The following ITFG1 variants were observed in gnomAD, a reference collection of about 807,000 sequenced individuals.
ITFG1 encodes integrin alpha FG-GAP repeat containing 1, also known as T-cell immunomodulatory protein.
ITFG1 carries 34 observed loss-of-function variants against 81.8 expected under a neutral mutation model. The ratio of observed to expected loss-of-function variants is 0.42; its 90% CI spans 0.32 to 0.55. The LOEUF (loss-of-function observed/expected upper bound fraction) is 0.55. Among genes scored for constraint, ITFG1 ranks in the 20% least tolerant of loss-of-function variants. The pLI is 0.17. For synonymous variants in ITFG1, 285 were observed against 270.6 expected, an observed-to-expected ratio of 1.05 and a Z score of -0.52; for missense variants, 672 against 755.4, an observed-to-expected ratio of 0.89 and a Z score of 1.29.
chr16:47,369,932 G>A lies in ITFG1; in HGVS notation c.721-4063C>T, dbSNP rs919275102. 5.5e-5 allele frequency among the ~76,000 whole-genome samples: 8 copies of A among 146,304 alleles called. No individual in the cohort carries two copies. The South Asian group carries it at 1.5e-3, about 27-fold the overall frequency. ...TTGGCTCACTCCAACTCCACTTCCC[G>A]GGTTCACGCCATTCTCCTGCTTCAG... is the stretch of plus-strand genomic sequence containing the variant. On this transcript the variant is annotated intron_variant, in intron 7 of 17. Transcript: ENST00000320640.
intron 8 of ITFG1, among the ~76,000 whole-genome samples, chr16:47,354,426 G>A (rs527972547): frequency 6.6e-6 from 1 of 152,056 alleles, no homozygotes; most frequent in South Asian, 2.1e-4. Flanking sequence ...AGCCTTAAAG[G>A]TAAGACTTAG....
chr16:47,449,515 C>T lies in ITFG1; in HGVS notation c.560+1881G>A, dbSNP rs77296263. Reference sequence around the variant, plus strand: ...ATTGTTAGACTACAGTCATTCTAAACAATGCAAATTTCTGTCAGCTTATAT... The same window carrying T: ...ATTGTTAGACTACAGTCATTCTAAATAATGCAAATTTCTGTCAGCTTATAT... On this transcript the variant is annotated intron_variant, in intron 5 of 17. Coordinates refer to ENST00000320640, the MANE Select transcript of ITFG1 (RefSeq NM_030790.5). 10 of 152,308 alleles carry T rather than the reference C, an allele frequency of 6.6e-5. No homozygotes were observed. The East Asian group carries it at 1.7e-3, about 26-fold the overall frequency. 9.4% of individuals were successfully genotyped at this position (152,308 alleles called of 1,614,324 possible).
chr16:47,406,843 A>G (rs1294130109), intron 6 of ITFG1, among the ~76,000 whole-genome samples: 1 of 152,216 alleles, frequency 6.6e-6, no homozygotes, highest in Non-Finnish European at 1.5e-5. Flanking sequence ...AAGAAGGTAA[A>G]GTATATTTTG....
chr16:47,323,410 A>T (rs1345692357), intron 8 of ITFG1, among the ~76,000 whole-genome samples: 1 of 152,086 alleles, frequency 6.6e-6, no homozygotes, highest in South Asian at 2.1e-4. Flanking sequence ...TAGTAATTTG[A>T]TTCTCTGTGC....
At chr16:47,226,093 GAT>G (rs1269837846) in intron 13 of ITFG1, among the ~76,000 whole-genome samples, 1 of 152,194 alleles carries the variant, frequency 6.6e-6, no homozygotes, top group African/African-American at 2.4e-5. Flanking sequence ...AATAAACTGA[GAT>G]ATGTTAGAGC....
At chr16:47,352,867 A>G (rs1018800852) in intron 8 of ITFG1, among the ~76,000 whole-genome samples, 1 of 152,250 alleles carries the variant, frequency 6.6e-6, no homozygotes, top group African/African-American at 2.4e-5. Context: ...ACCATGGAAT[A>G]CTATGCAGCC....
At position 47,438,188 on chromosome 16, in the gene ITFG1, C is replaced by A. The variant is rs145918873; in HGVS notation, c.561-9290G>T. On this transcript the variant is annotated intron_variant, in intron 5 of 17. Transcript: ENST00000320640. ...GTAGGTAAACAAAGCGTCCTGGAAG[C>A]TCAAACTGGGTGGAGGCCACCACAG... Among the ~76,000 whole-genome samples, 36 of 152,346 alleles carry A rather than the reference C, an allele frequency of 2.4e-4. No homozygotes were observed. In the East Asian group the frequency reaches 6.6e-3, roughly 28 times the overall value.
intron 14 of ITFG1, among the ~76,000 whole-genome samples, chr16:47,180,411 C>T (rs1245358270): frequency 1.3e-5 from 2 of 152,048 alleles, no homozygotes; most frequent in African/African-American, 4.8e-5. Flanking sequence ...CCTCTCTTTC[C>T]ACGGTCTCCC....
chr16:47,399,455 CCCAGCTA>C (rs1186355920), intron 6 of ITFG1, among the ~76,000 whole-genome samples: 3 of 152,138 alleles, frequency 2.0e-5, no homozygotes, highest in African/African-American at 4.8e-5. Flanking sequence ...CATCTGTAGT[CCCAGCTA>C]CTCAGGAGGC....
intron 10 of ITFG1, among the ~76,000 whole-genome samples, chr16:47,291,030 T>C (rs573099404): frequency 1.3e-5 from 2 of 152,230 alleles, no homozygotes; most frequent in Admixed American, 1.3e-4. Context: ...GCCTGCTAGA[T>C]CTCGGACTAC....
chr16:47,258,588 G>A (rs781047680), intron 12 of ITFG1, 44 bp downstream of exon 12: 18 of 876,934 alleles, frequency 2.1e-5, no homozygotes, highest in Non-Finnish European at 2.8e-5. Flanking sequence ...GTGGAGAGAG[G>A]GGAAGAGAAA....
intron 10 of ITFG1, among the ~76,000 whole-genome samples, chr16:47,288,006 C>T (rs903389082): frequency 6.6e-6 from 1 of 152,146 alleles, no homozygotes. Flanking sequence ...GGAAGTCTTC[C>T]TAGTTGCATC....
Position 47,163,950 on chromosome 16 carries a change from C to CAT in ITFG1, c.1454-1287_1454-1286insAT, listed in dbSNP as rs1314685144. Among the ~76,000 whole-genome samples, 742 of 144,596 alleles carry CAT rather than the reference C, an allele frequency of 5.1e-3. 1 individual carries two copies. Among genetic ancestry groups the CAT allele is most frequent in the Non-Finnish European group, 8.1e-3 (541 of 66,458 alleles). The allele number at this position is 144,596 out of a possible 152,430, so 94.9% of individuals were successfully genotyped here. ...ACACACACACACACACACACACACA[C>CAT]ACATACACACACACACACACCAATT... is the stretch of plus-strand genomic sequence containing the variant. On this transcript the variant is annotated intron_variant, in intron 14 of 17. Coordinates refer to ENST00000320640, the MANE Select transcript of ITFG1 (RefSeq NM_030790.5).
rs140541209 is a variant in ITFG1 at position 47,421,460 on chromosome 16, A to T, written c.655+7344T>A. ...GCTGGGACTACAGGCGCGTACCAAC[A>T]TGCTCAGCTAACTTTCTGTATTTTA... On this transcript the variant is annotated intron_variant, in intron 6 of 17. Transcript: ENST00000320640. Among the ~76,000 whole-genome samples, 1,136 of 152,090 alleles carry T rather than the reference A, an allele frequency of 7.5e-3. 19 individuals are homozygous for T. Among genetic ancestry groups the T allele is most frequent in the African/African-American group, 0.026 (1,078 of 41,462 alleles).
chr16:47,323,272 T>C (rs1256731666), intron 8 of ITFG1, among the ~76,000 whole-genome samples: 3 of 152,194 alleles, frequency 2.0e-5, no homozygotes, highest in African/African-American at 7.2e-5. Context: ...TGGGTGATCA[T>C]GGCAAAGAAC....
rs139503524 is a variant in ITFG1, at chr16:47,374,112, G to A, written c.720+1764C>T. Among the ~76,000 whole-genome samples, 444 of 152,168 alleles carry A rather than the reference G, an allele frequency of 2.9e-3. 1 individual carries two copies. The highest frequency in any genetic ancestry group is 5.6e-3 in the Admixed American group (86 of 15,282). On this transcript the variant is annotated intron_variant, in intron 7 of 17. Transcript: ENST00000320640. ...TCCACTGACCCCCATCCTGCTCATT[G>A]GTTATAACATCCTGATTTTCCTTGT...
chr16:47,214,568 T>C (rs1025533824), intron 14 of ITFG1, among the ~76,000 whole-genome samples: 1 of 152,206 alleles, frequency 6.6e-6, no homozygotes, highest in African/African-American at 2.4e-5. Flanking sequence ...AACAAAATCC[T>C]AGATTCAAAA....
chr16:47,326,013 C>T (rs1030509646), intron 8 of ITFG1, among the ~76,000 whole-genome samples: 23 of 152,042 alleles, frequency 1.5e-4, no homozygotes, highest in Non-Finnish European at 7.4e-5. Flanking sequence ...CTGGCAGAGA[C>T]ACAACAAAAA....
At chr16:47,233,816 ATTCCAGTACT>A (rs1965842751) in intron 13 of ITFG1, among the ~76,000 whole-genome samples, 1 of 152,190 alleles carries the variant, frequency 6.6e-6, no homozygotes, top group Non-Finnish European at 1.5e-5. Context: ...CACTTTTCCT[ATTCCAGTACT>A]TCATCAACTG....
Sources: allele counts gnomAD v4.1 joint callset (sites outside exome capture counted in the v4.1 genomes callset), GRCh38; gene constraint gnomAD v4.1.1; transcripts MANE v1.5; gene names NCBI Gene and HGNC (gene_info 2026-07-23, HGNC 2026-07-21).